MACROD2: variants seen among roughly 807,000 people sequenced by gnomAD.
MACROD2 encodes ADP-ribose glycohydrolase MACROD2.
MACROD2 carries 36 observed loss-of-function variants against 70.4 expected under a neutral mutation model. The observed-to-expected ratio is 0.51, with a 90% CI of 0.39 to 0.68. The LOEUF is 0.68. MACROD2 is among the 30% of genes least tolerant of loss of function. MACROD2 has a pLI of 0.00. For synonymous variants in MACROD2, 172 were observed against 178.8 expected (o/e 0.96, Z 0.30); for missense variants, 496 against 538.4 (o/e 0.92, Z 0.78).
chr20:15,942,540 A>G (rs1440816260), intron 12 of MACROD2, among the ~76,000 whole-genome samples: 1 of 152,188 alleles, frequency 6.6e-6, no homozygotes, highest in Non-Finnish European at 1.5e-5. Context: ...TGTTGATTTA[A>G]TGGTAGTTTG....
intron 6 of MACROD2, among the ~76,000 whole-genome samples, chr20:15,247,387 G>T (rs1180715526): frequency 4.6e-5 from 7 of 152,186 alleles, no homozygotes; most frequent in Admixed American, 4.6e-4. Flanking sequence ...TCATCTTTAT[G>T]TTGGGTAATT....
intron 7 of MACROD2, among the ~76,000 whole-genome samples, chr20:15,479,265 CTTTTTTTTTTTT>C (rs767435610): frequency 5.7e-5 from 5 of 87,762 alleles, no homozygotes; most frequent in Admixed American, 1.3e-4. Flanking sequence ...TTCTCGCTCT[CTTTTTTTTTTTT>C]TTTTTTTTTT....
chr20:15,099,564 C>A (rs2075857094), intron 5 of MACROD2, among the ~76,000 whole-genome samples: 1 of 152,072 alleles, frequency 6.6e-6, no homozygotes, highest in African/African-American at 2.4e-5. Flanking sequence ...GTTGAGCTAC[C>A]CAGTTTATGG....
At chr20:14,928,802 TTTG>T (rs776804874) in intron 5 of MACROD2, among the ~76,000 whole-genome samples, 29 of 152,200 alleles carry the variant, frequency 1.9e-4, no homozygotes, top group Non-Finnish European at 3.2e-4. Flanking sequence ...AGGTGTCCAT[TTTG>T]TTGACAAAAC....
chr20:15,166,385 A>C lies in MACROD2; in HGVS notation c.419-63555A>C, dbSNP rs549967573. ...AGGCTCTCTCTTTTCTGAAATGTGA[A>C]TATGCAAGAAGTTAGGCCTTCAAGA... On this transcript the variant is annotated intron_variant, in intron 5 of 17. Transcript: ENST00000684519. Among the ~76,000 whole-genome samples the C allele has an allele frequency of 7.9e-5, 12 of 152,274 alleles. No individual in the cohort carries two copies. In the South Asian group the frequency reaches 2.5e-3, roughly 32 times the overall value.
At position 14,324,658 on chromosome 20, in the gene MACROD2, A is replaced by C. The variant is rs899139009; in HGVS notation, c.272-168821A>C. 6 of 152,294 alleles carry C rather than the reference A, an allele frequency of 3.9e-5. No individual in the cohort carries two copies. In the East Asian group the frequency reaches 1.2e-3, roughly 29 times the overall value. The allele number at this position is 152,294 out of a possible 1,614,324, so 9.4% of individuals were successfully genotyped here. A position where few individuals can be genotyped will look rare whatever the true frequency, so the allele number is the denominator to read the frequency against. Reference sequence around the variant, plus strand: ...CCTTTATGATAAAAACATCATAAACACTAACAATTTTGTGTTTATAATTCA... The same window carrying C: ...CCTTTATGATAAAAACATCATAAACCCTAACAATTTTGTGTTTATAATTCA... On this transcript the variant is annotated intron_variant, in intron 3 of 17. Transcript: ENST00000684519.
chr20:14,603,433 G>A (rs1251348653), intron 4 of MACROD2, among the ~76,000 whole-genome samples: 1 of 152,146 alleles, frequency 6.6e-6, no homozygotes, highest in African/African-American at 2.4e-5. Flanking sequence ...AAAAGAAGTG[G>A]CTGGATTTAG....
chr20:15,131,887 T>C (rs1217321854), intron 5 of MACROD2, among the ~76,000 whole-genome samples: 1 of 151,970 alleles, frequency 6.6e-6, no homozygotes, highest in East Asian at 1.9e-4. Flanking sequence ...TTAGTACTTG[T>C]TAAGATAATG....
chr20:15,794,865 G>A (rs186272593), intron 8 of MACROD2, among the ~76,000 whole-genome samples: 1 of 152,288 alleles, frequency 6.6e-6, no homozygotes, highest in Non-Finnish European at 1.5e-5. Context: ...CGCCTGATTA[G>A]CTATGATCAG....
chr20:14,355,324 A>T (rs969034110), intron 3 of MACROD2, among the ~76,000 whole-genome samples: 5 of 152,330 alleles, frequency 3.3e-5, no homozygotes, highest in Non-Finnish European at 7.4e-5. Context: ...AGACAGAGTG[A>T]GTTATGACTC....
rs893550923 is a variant in MACROD2, at chr20:14,470,240, G to T, written c.272-23239G>T. On this transcript the variant is annotated intron_variant, in intron 3 of 17. Transcript: ENST00000684519. ...GGTCCACTGCAGACCCTGTTTGCCG[G>T]GGTATCACCAGCAGAGACCGCAGGA... 2.6e-5 allele frequency among the ~76,000 whole-genome samples: 4 copies of T among 152,146 alleles called. No individual in the cohort carries two copies. In the South Asian group the frequency reaches 8.3e-4, roughly 32 times the overall value.
chr20:15,882,337 G>A (rs1256441402), intron 9 of MACROD2, among the ~76,000 whole-genome samples: 1 of 152,040 alleles, frequency 6.6e-6, no homozygotes, highest in African/African-American at 2.4e-5. Flanking sequence ...ATAATTATTA[G>A]GGAGAATGAA....
chr20:14,991,021 A>G (rs573141978), intron 5 of MACROD2, among the ~76,000 whole-genome samples: 1 of 152,216 alleles, frequency 6.6e-6, no homozygotes, highest in East Asian at 1.9e-4. Flanking sequence ...CTCTTTTTCA[A>G]CATTTATTTA....
intron 5 of MACROD2, among the ~76,000 whole-genome samples, chr20:14,940,045 A>T (rs926762016): frequency 6.7e-6 from 1 of 150,266 alleles, no homozygotes; most frequent in African/African-American, 2.4e-5. Context: ...TGTCGTCTGT[A>T]TATAGGAAAT....
intron 6 of MACROD2, among the ~76,000 whole-genome samples, chr20:15,276,193 G>A (rs905196502): frequency 2.6e-5 from 4 of 152,138 alleles, no homozygotes; most frequent in African/African-American, 9.7e-5. Flanking sequence ...AAGGTCAGGA[G>A]ATCGAGACCA....
rs570805277 is a variant in MACROD2, at chr20:15,845,075, G to C, written c.646-17670G>C. Reference sequence around the variant, plus strand: ...AACTGCTGTTAAAGTCAAGGTTTTGGAGGTATACTGAGTTGAAGAGTGTGT... The same window carrying C: ...AACTGCTGTTAAAGTCAAGGTTTTGCAGGTATACTGAGTTGAAGAGTGTGT... On this transcript the variant is annotated intron_variant, in intron 8 of 17. Transcript: ENST00000684519. 9.2e-5 allele frequency among the ~76,000 whole-genome samples: 14 copies of C among 152,226 alleles called. No homozygotes were observed. In the South Asian group the frequency reaches 2.9e-3, roughly 32 times the overall value.
At position 15,499,863 on chromosome 20, in the gene MACROD2, T is replaced by C. The variant is rs752917859; in HGVS notation, c.645+16T>C. 4.3e-6 allele frequency: 7 copies of C among 1,609,634 alleles called. No individual in the cohort carries two copies. The South Asian group carries it at 7.7e-5, about 18-fold the overall frequency. On this transcript the variant is annotated intron_variant, in intron 8 of 17. Coordinates refer to ENST00000684519, the MANE Select transcript of MACROD2 (RefSeq NM_001351661.2). ...TCACCATGAGGTAGGAGGAACGACA[T>C]AATCAGTGAACATCCAAGATGATGT...
chr20:15,662,714 G>A lies in MACROD2; in HGVS notation c.645+162867G>A, dbSNP rs201852327. ...GTTTGGCTTGTACAAGCTCAGAGAG[G>A]GTTTTTTTTTTTTCTGTCTGTTGTG... On this transcript the variant is annotated intron_variant, in intron 8 of 17. Coordinates refer to ENST00000684519, the MANE Select transcript of MACROD2 (RefSeq NM_001351661.2). Among the ~76,000 whole-genome samples, 470 of 102,884 alleles carry A rather than the reference G, an allele frequency of 4.6e-3. 3 individuals are homozygous for A. The highest frequency in any genetic ancestry group is 0.017 in the African/African-American group (440 of 25,822). 67.5% of individuals were successfully genotyped at this position (102,884 alleles called of 152,430 possible). A position where few individuals can be genotyped will look rare whatever the true frequency, so the allele number is the denominator to read the frequency against.
intron 5 of MACROD2, among the ~76,000 whole-genome samples, chr20:15,090,105 G>A (rs2075781808): frequency 6.6e-6 from 1 of 151,898 alleles, no homozygotes; most frequent in Non-Finnish European, 1.5e-5. Flanking sequence ...GAGAAAATTA[G>A]GAGATGATAT....
Sources: gnomAD v4.1 joint callset for allele counts (sites outside exome capture counted in the v4.1 genomes callset) on GRCh38, gnomAD v4.1.1 for gene constraint, MANE v1.5 for transcripts, NCBI Gene and HGNC (gene_info 2026-07-23, HGNC 2026-07-21) for gene names.